Variants in GNE observed in about 807,000 individuals in gnomAD.
GNE encodes the protein glucosamine (UDP-N-acetyl)-2-epimerase/N-acetylmannosamine kinase.
GNE carries 41 observed loss-of-function variants against 61.8 expected under a neutral mutation model. That is an observed-to-expected ratio of 0.66 (90% CI 0.52 to 0.86). GNE has a LOEUF of 0.86. Among genes scored for constraint, GNE ranks in the 40% least tolerant of loss-of-function variants. The probability of loss-of-function intolerance (pLI) is 0.00; values close to 1 mark genes in which losing one functional copy is unlikely to be tolerated. For synonymous variants in GNE, 264 were observed against 326.4 expected (o/e 0.81, Z 2.06); for missense variants, 608 against 909.1 (o/e 0.67, Z 4.26).
rs1396177994 is a variant in GNE at position 36,215,621 on chromosome 9, AACACCTACC to A, written c.*1735_*1743del. On this transcript the variant is annotated 3_prime_UTR_variant, in exon 12 of 12. Transcript: ENST00000642385. Reference sequence around the variant, plus strand: ...CCAAGTTCTATAAAATAAAAATTAAAACACCTACCTCATATGTTGAGATAATTTAGGATA... The same window carrying A: ...CCAAGTTCTATAAAATAAAAATTAAATCATATGTTGAGATAATTTAGGATA... 2.6e-5 allele frequency: 4 copies of A among 152,196 alleles called. No individual in the cohort carries two copies. The highest frequency in any genetic ancestry group is 1.3e-4 in the Admixed American group (2 of 15,278). The allele number at this position is 152,196 out of a possible 1,614,324, so 9.4% of individuals were successfully genotyped here. A position where few individuals can be genotyped will look rare whatever the true frequency, so the allele number is the denominator to read the frequency against.
At chr9:36,252,853 T>G (rs1217635923) in intron 1 of GNE, among the ~76,000 whole-genome samples, 2 of 152,118 alleles carry the variant, frequency 1.3e-5, no homozygotes, top group African/African-American at 4.8e-5. Flanking sequence ...CTATCTGTCC[T>G]TCCATGGATA....
Position 36,237,003 on chromosome 9 carries a change from AC to A in GNE, c.617-20del. The stretch of plus-strand genomic sequence containing the variant: ...TCATCACCTGTTTAAAGAAAATCAA[AC>A]CACATTGCTTCATTAGTTAAGAATC... On this transcript the variant is annotated intron_variant, in intron 3 of 11. Coordinates refer to ENST00000642385, the MANE Select transcript of GNE (RefSeq NM_005476.7). The A allele has an allele frequency of 6.3e-7, 1 of 1,591,026 alleles. No homozygotes were observed. Among genetic ancestry groups the A allele is most frequent in the Non-Finnish European group, 8.6e-7 (1 of 1,159,784 alleles).
intron 7 of GNE, among the ~76,000 whole-genome samples, chr9:36,224,367 C>A (rs1828757936): frequency 6.6e-6 from 1 of 151,978 alleles, no homozygotes; most frequent in African/African-American, 2.4e-5. Flanking sequence ...CTGGGAAGTT[C>A]AGGCTGCGGT....
rs1367322471 is a variant in GNE at position 36,227,241 on chromosome 9, A to C, written c.1281+7T>G. On this transcript the variant is annotated splice_region_variant and intron_variant, in intron 7 of 11. Coordinates refer to ENST00000642385, the MANE Select transcript of GNE (RefSeq NM_005476.7). ...ATATAAAGTTAGGAGTTTAGGAGTT[A>C]TTTTACCTTCATGCTGACTATTGCA... 1.3e-6 allele frequency: 2 copies of C among 1,591,462 alleles called. No homozygotes were observed. Among genetic ancestry groups the C allele is most frequent in the Non-Finnish European group, 1.7e-6 (2 of 1,159,484 alleles).
chr9:36,236,818 T>G lies in GNE; in HGVS notation c.769+14A>C. The G allele has an allele frequency of 5.0e-6, 8 of 1,612,580 alleles. No individual in the cohort carries two copies. The highest frequency in any genetic ancestry group is 5.9e-6 in the Non-Finnish European group (7 of 1,178,702). Reference sequence around the variant, plus strand: ...AAAAGTAGGTGGCATAATTTCATTTTCAAGTTCAATTACCTGCGTCAATAT... The same window carrying G: ...AAAAGTAGGTGGCATAATTTCATTTGCAAGTTCAATTACCTGCGTCAATAT... On this transcript the variant is annotated intron_variant, in intron 4 of 11. Transcript: ENST00000642385.
chr9:36,236,195 TTTCAC>T (rs1291912384), intron 4 of GNE, among the ~76,000 whole-genome samples: 10 of 152,274 alleles, frequency 6.6e-5, no homozygotes, highest in Admixed American at 2.6e-4. Flanking sequence ...CTAGAGATTC[TTTCAC>T]TTCAACTTTT....
At chr9:36,244,765 G>A (rs966528389) in intron 3 of GNE, among the ~76,000 whole-genome samples, 24 of 150,420 alleles carry the variant, frequency 1.6e-4, no homozygotes, top group African/African-American at 2.9e-4. Flanking sequence ...GTGAAACCCC[G>A]TCTCTACTAA....
Position 36,246,098 on chromosome 9 carries a change from G to A in GNE, c.549C>T (p.Cys183=), listed in dbSNP as rs1341015274. ...EDHDRILLAG[C]PSYDKLLSAK... ...CTGAGAGAAGTTTGTCATAGGAAGG[G>A]CAGCCTGCCAAAAGGATGCGATCAT... is the stretch of plus-strand genomic sequence containing the variant. The change falls in exon 3 of 12, where the codon TGC becomes TGT. Residue 183 remains cysteine, a synonymous_variant. Coordinates refer to ENST00000642385, the MANE Select transcript of GNE (RefSeq NM_005476.7). 2 of 1,614,196 alleles carry A rather than the reference G, an allele frequency of 1.2e-6. No homozygotes were observed. The highest frequency in any genetic ancestry group is 2.2e-5 in the South Asian group (2 of 91,086).
At chr9:36,219,769 T>G in intron 10 of GNE, 69 bp downstream of exon 10, 2 of 1,385,538 alleles carry the variant, frequency 1.4e-6, no homozygotes, top group South Asian at 2.3e-5. Context: ...TCAGCTGTCT[T>G]TGGAATTTCC....
At chr9:36,259,505 A>T (rs1047092674), upstream of GNE, among the ~76,000 whole-genome samples, 1 of 152,196 alleles carries the variant, frequency 6.6e-6, no homozygotes, top group Non-Finnish European at 1.5e-5. Flanking sequence ...GCAGTTTGTG[A>T]TGCATTTCAA....
upstream of GNE, chr9:36,263,263 C>T (rs549786049): frequency 2.9e-4 from 56 of 191,266 alleles, 1 homozygote; most frequent in Middle Eastern, 2.0e-3. Flanking sequence ...CTCTGCCTCC[C>T]GGGTTCAAGC....
intron 6 of GNE, among the ~76,000 whole-genome samples, chr9:36,227,881 C>A (rs1051842116): frequency 2.6e-5 from 4 of 151,806 alleles, no homozygotes; most frequent in Middle Eastern, 3.4e-3. Context: ...ACTAAAAACA[C>A]AAAAATTAGC....
chr9:36,261,459 A>G (rs1032371425), upstream of GNE, among the ~76,000 whole-genome samples: 2 of 151,432 alleles, frequency 1.3e-5, no homozygotes, highest in East Asian at 3.9e-4. Context: ...AGGCCGAGGC[A>G]GGAGAATAAA....
chr9:36,234,319 C>T (rs1238141372), intron 4 of GNE, among the ~76,000 whole-genome samples, 187 bp from the exon 5 acceptor site: 1 of 152,198 alleles, frequency 6.6e-6, no homozygotes, highest in Non-Finnish European at 1.5e-5. Context: ...CTGCTTCACT[C>T]ATCTAGGAAC....
intron 1 of GNE, among the ~76,000 whole-genome samples, chr9:36,273,064 G>A (rs10972821): frequency 0.76 from 115,674 of 151,636 alleles, 44,607 homozygotes; most frequent in Non-Finnish European, 0.8. Context: ...AGAGAAGCAG[G>A]TTTGGAGATG....
chr9:36,265,174 G>A (rs992972674), intron 1 of GNE: 4 of 321,486 alleles, frequency 1.2e-5, no homozygotes, highest in Admixed American at 3.8e-5. Context: ...GCCTGGGTTC[G>A]TCCTAATTGA....
chr9:36,275,146 A>G (rs1156639519), intron 1 of GNE, among the ~76,000 whole-genome samples: 1 of 152,214 alleles, frequency 6.6e-6, no homozygotes, highest in Non-Finnish European at 1.5e-5. Context: ...CAAGCACTTC[A>G]AATCCGCTTG....
chr9:36,236,691 C>T, intron 4 of GNE, 141 bp downstream of exon 4: 1 of 777,254 alleles, frequency 1.3e-6, no homozygotes, highest in Non-Finnish European at 2.2e-6. Context: ...AATTGGTAAT[C>T]CTTTGAAAAT....
intron 1 of GNE, among the ~76,000 whole-genome samples, chr9:36,272,786 AG>A (rs1831084234): frequency 6.6e-6 from 1 of 151,140 alleles, no homozygotes. Flanking sequence ...AATGTGGAGA[AG>A]GGGCCGGGCC....
Sources: gnomAD v4.1 joint callset for allele counts (sites outside exome capture counted in the v4.1 genomes callset) on GRCh38, gnomAD v4.1.1 for gene constraint, MANE v1.5 for transcripts, NCBI Gene and HGNC (gene_info 2026-07-23, HGNC 2026-07-21) for gene names.